Variants in SPG11 observed in about 807,000 individuals in gnomAD.
The protein encoded by SPG11 is spatacsin.
Under a neutral mutation model 274.0 loss-of-function variants are expected in SPG11, and 222 were observed. That is an observed-to-expected ratio of 0.81 (90% CI 0.73 to 0.91). The LOEUF (loss-of-function observed/expected upper bound fraction) is 0.91. Among genes scored for constraint, SPG11 ranks in the 40% least tolerant of loss-of-function variants. SPG11 has a pLI of 0.00. For synonymous variants in SPG11, 1,144 were observed against 1,039.7 expected (o/e 1.10, Z -1.93); for missense variants, 3,114 against 2,872.7 (o/e 1.08, Z -1.92).
intron 23 of SPG11, 49 bp from the exon 24 acceptor site, chr15:44,596,992 C>A: frequency 6.3e-7 from 1 of 1,577,672 alleles, no homozygotes; most frequent in Non-Finnish European, 8.7e-7. Flanking sequence ...ACAAAAAACT[C>A]ATTAAAATAT....
intron 15 of SPG11, among the ~76,000 whole-genome samples, chr15:44,617,640 A>G (rs1727245105): frequency 6.6e-6 from 1 of 152,074 alleles, no homozygotes; most frequent in South Asian, 2.1e-4. Flanking sequence ...TGGTAGGGCA[A>G]GTTCTTTTTC....
At position 44,578,793 on chromosome 15, in the gene SPG11, A is replaced by T. The variant is rs542563532; in HGVS notation, c.5867-3752T>A. Among the ~76,000 whole-genome samples the T allele has an allele frequency of 1.8e-4, 28 of 152,336 alleles. No homozygotes were observed. In the Middle Eastern group the frequency reaches 0.014, roughly 74 times the overall value. Reference sequence around the variant, plus strand: ...GTCAACTGTCTGCTAAAAAATATCAACATCCTTCATAGGATTTAAATAAGA... The same window carrying T: ...GTCAACTGTCTGCTAAAAAATATCATCATCCTTCATAGGATTTAAATAAGA... On this transcript the variant is annotated intron_variant, in intron 30 of 39. Coordinates refer to ENST00000261866, the MANE Select transcript of SPG11 (RefSeq NM_025137.4).
At chr15:44,589,504 A>G (rs1029517284) in intron 27 of SPG11, 90 bp from the exon 28 acceptor site, 3 of 1,499,940 alleles carry the variant, frequency 2.0e-6, no homozygotes, top group Non-Finnish European at 2.8e-6. Flanking sequence ...AAGAAAGCTA[A>G]AATTCCCTCA....
chr15:44,582,335 G>GTAC (rs2082672992), intron 30 of SPG11, among the ~76,000 whole-genome samples: 1 of 152,180 alleles, frequency 6.6e-6, no homozygotes, highest in Non-Finnish European at 1.5e-5. Flanking sequence ...ATCACTTGAG[G>GTAC]TAAGGAGTTC....
Position 44,606,091 on chromosome 15 carries a change from A to G in SPG11, c.3454T>C (p.Ser1152Pro). ...CTGCTAGGATCAAAGGGTGATAATGACTGAAAAAGGGGAAAAGTTAAACAG... is the reference window on the plus strand; with the variant it reads ...CTGCTAGGATCAAAGGGTGATAATGGCTGAAAAAGGGGAAAAGTTAAACAG... ...SDITIYHLIQ[S>P]LSPFDPSRLF... Residue 1152 changes from serine to proline, a missense_variant and splice_region_variant, in exon 20 of 40, where the codon TCA becomes CCA. Transcript: ENST00000261866. 1 of 1,613,586 alleles carries G rather than the reference A, an allele frequency of 6.2e-7. No individual in the cohort carries two copies.
chr15:44,625,012 G>A (rs954987676), intron 11 of SPG11, among the ~76,000 whole-genome samples: 11 of 151,760 alleles, frequency 7.2e-5, no homozygotes, highest in African/African-American at 2.7e-4. Context: ...GGCGCATGCT[G>A]TAAACCCAGC....
At position 44,565,924 on chromosome 15, in the gene SPG11, T is replaced by C; in HGVS notation, c.6929A>G (p.Asn2310Ser). Residue 2310 changes from asparagine to serine, a missense_variant, in exon 38 of 40, where the codon AAC becomes AGC. Asn to Ser is a conservative substitution (Grantham distance 46). Transcript: ENST00000261866. The stretch of plus-strand genomic sequence containing the variant: ...GCGGCCCAAGTTGATGAGCATTGTG[T>C]TCTGGCCAGTGTTCAGAAAGTGAAT... ...LQIHFLNTGQ[N>S]TMLINLGRHK... The C allele has an allele frequency of 1.9e-6, 3 of 1,613,930 alleles. No homozygotes were observed. Among genetic ancestry groups the C allele is most frequent in the Non-Finnish European group, 2.5e-6 (3 of 1,180,006 alleles).
At chr15:44,663,302 G>A in intron 1 of SPG11, 89 bp downstream of exon 1, 1 of 1,520,896 alleles carries the variant, frequency 6.6e-7, no homozygotes, top group Non-Finnish European at 8.9e-7. Flanking sequence ...TATGGCTGCA[G>A]GGAGGCCTCG....
In SPG11 at chr15:44,659,065, A is replaced by G. The variant is rs1464158389; in HGVS notation, c.667+14T>C. ...CCTCTACGTATCAATCAACACTTCT[A>G]CCACCAAGGATACAGATCCAGCCTA... On this transcript the variant is annotated intron_variant, in intron 3 of 39. Transcript: ENST00000261866. The G allele has an allele frequency of 1.9e-6, 3 of 1,612,106 alleles. No homozygotes were observed. The highest frequency in any genetic ancestry group is 4.5e-5 in the East Asian group (2 of 44,870).
intron 33 of SPG11, among the ~76,000 whole-genome samples, chr15:44,571,951 C>T (rs1159457260): frequency 6.6e-6 from 1 of 152,164 alleles, no homozygotes; most frequent in Non-Finnish European, 1.5e-5. Flanking sequence ...ACCACCATGC[C>T]CCGCTAAGTT....
At chr15:44,618,511 C>A (rs1595887049) in intron 15 of SPG11, among the ~76,000 whole-genome samples, 1 of 90,662 alleles carries the variant, frequency 1.1e-5, no homozygotes, top group Non-Finnish European at 2.0e-5. Context: ...AGTGAGACTC[C>A]ATCTCAAAAA....
intron 1 of SPG11, 102 bp downstream of exon 1, chr15:44,663,289 C>G: frequency 6.7e-7 from 1 of 1,490,192 alleles, no homozygotes; most frequent in African/African-American, 1.4e-5. Flanking sequence ...CTCCCGCCAC[C>G]TCTATGGCTG....
At chr15:44,652,331 C>T (rs1410573035) in intron 4 of SPG11, 65 bp from the exon 5 acceptor site, 7 of 1,542,240 alleles carry the variant, frequency 4.5e-6, no homozygotes, top group Non-Finnish European at 5.4e-6. Flanking sequence ...TGTGTTACTA[C>T]TGCTCCTGTT....
At chr15:44,575,479 C>T (rs577219410) in intron 30 of SPG11, among the ~76,000 whole-genome samples, 88 of 151,196 alleles carry the variant, frequency 5.8e-4, no homozygotes, top group Admixed American at 5.0e-3. Flanking sequence ...CACCCCCAGT[C>T]GGTCTCCAAC....
At chr15:44,604,112 T>A (rs751531002) in intron 20 of SPG11, 21 of 434,632 alleles carry the variant, frequency 4.8e-5, no homozygotes, top group South Asian at 3.5e-4. Flanking sequence ...TACCTGCTCT[T>A]GTTTTCAAAG....
At chr15:44,610,690 T>A in intron 18 of SPG11, 150 bp downstream of exon 18, 3 of 870,140 alleles carry the variant, frequency 3.4e-6, no homozygotes, top group Non-Finnish European at 5.4e-6. Context: ...GATATAAAAT[T>A]TTTAAATTCA....
chr15:44,636,304 C>T (rs914602660), intron 7 of SPG11, among the ~76,000 whole-genome samples: 20 of 151,706 alleles, frequency 1.3e-4, no homozygotes, highest in African/African-American at 3.6e-4. Flanking sequence ...ACTATGCCTT[C>T]GTTCTGAGTG....
Position 44,615,582 on chromosome 15 carries a change from T to C in SPG11, c.2835-16A>G, listed in dbSNP as rs545378837. On this transcript the variant is annotated splice_polypyrimidine_tract_variant and intron_variant, in intron 15 of 39. Coordinates refer to ENST00000261866, the MANE Select transcript of SPG11 (RefSeq NM_025137.4). ...AACCCCATTCCTATGGACAGATTTA[T>C]AGGATGTCAAGTTAAAAAGTTGCTA... The C allele has an allele frequency of 1.9e-6, 3 of 1,612,854 alleles. No individual in the cohort carries two copies. The highest frequency in any genetic ancestry group is 2.7e-5 in the African/African-American group (2 of 75,012).
intron 20 of SPG11, among the ~76,000 whole-genome samples, chr15:44,602,240 C>T (rs182641511): frequency 8.3e-4 from 127 of 152,150 alleles, no homozygotes; most frequent in African/African-American, 2.8e-3. Flanking sequence ...GCTAGGACTT[C>T]AACTACTATG....
Sources: gnomAD v4.1 joint callset for allele counts (sites outside exome capture counted in the v4.1 genomes callset) on GRCh38, gnomAD v4.1.1 for gene constraint, MANE v1.5 for transcripts, NCBI Gene and HGNC (gene_info 2026-07-23, HGNC 2026-07-21) for gene names.